The following STARD3NL variants were observed in gnomAD, a reference collection of about 807,000 sequenced individuals.
STARD3NL encodes the protein STARD3 N-terminal like, also known as STARD3 N-terminal-like protein.
STARD3NL carries 17 observed loss-of-function variants against 30.9 expected under a neutral mutation model. The ratio of observed to expected loss-of-function variants is 0.55; its 90% CI spans 0.38 to 0.82. STARD3NL has a LOEUF of 0.82. STARD3NL is among the 40% of genes least tolerant of loss of function. The pLI is 0.00. For missense variants in STARD3NL, 234 were observed against 277.6 expected (o/e 0.84, Z 1.12); for synonymous variants, 112 against 100.5 (o/e 1.11, Z -0.69).
At chr7:38,227,670 C>CT (rs370075055) in intron 7 of STARD3NL, among the ~76,000 whole-genome samples, 8 of 151,180 alleles carry the variant, frequency 5.3e-5, no homozygotes, top group Admixed American at 1.3e-4. Flanking sequence ...GCCTCCTCTG[C>CT]TTTTTTTTTA....
At chr7:38,191,656 G>A (rs1562599478) in intron 1 of STARD3NL, among the ~76,000 whole-genome samples, 1 of 152,016 alleles carries the variant, frequency 6.6e-6, no homozygotes, top group East Asian at 1.9e-4. Context: ...TTTCACCATT[G>A]GATTACTTTG....
intron 1 of STARD3NL, among the ~76,000 whole-genome samples, chr7:38,186,171 A>G (rs1193425486): frequency 6.6e-6 from 1 of 152,216 alleles, no homozygotes; most frequent in Non-Finnish European, 1.5e-5. Flanking sequence ...TCATAGGAAT[A>G]TTTATATGTA....
intron 7 of STARD3NL, among the ~76,000 whole-genome samples, chr7:38,228,439 A>G (rs1030145860): frequency 1.3e-5 from 2 of 152,216 alleles, no homozygotes; most frequent in African/African-American, 2.4e-5. Flanking sequence ...CCTAGATTCA[A>G]TTATTTGTAC....
chr7:38,225,036 A>G (rs1786676178), intron 7 of STARD3NL, among the ~76,000 whole-genome samples: 1 of 152,152 alleles, frequency 6.6e-6, no homozygotes, highest in Non-Finnish European at 1.5e-5. Flanking sequence ...CTTTTTGATC[A>G]TATCCCGGCT....
intron 5 of STARD3NL, 32 bp downstream of exon 5, chr7:38,217,110 CA>C (rs1339801263): frequency 6.2e-7 from 1 of 1,613,766 alleles, no homozygotes; most frequent in Non-Finnish European, 8.5e-7. Flanking sequence ...ATACAGTTAC[CA>C]TCTTCAGTGA....
chr7:38,204,640 C>G (rs1785357321), intron 1 of STARD3NL, among the ~76,000 whole-genome samples: 2 of 152,084 alleles, frequency 1.3e-5, no homozygotes, highest in Non-Finnish European at 2.9e-5. Flanking sequence ...AAGATCAGAG[C>G]AGAACTGGAG....
intron 1 of STARD3NL, among the ~76,000 whole-genome samples, chr7:38,204,077 G>A (rs572688889): frequency 1.3e-5 from 2 of 152,174 alleles, no homozygotes; most frequent in African/African-American, 4.8e-5. Flanking sequence ...ACAGATCAAC[G>A]AGACAGAAAG....
At chr7:38,226,152 G>GTTTTTTTTTTTTT (rs11286474) in intron 7 of STARD3NL, among the ~76,000 whole-genome samples, 3 of 102,472 alleles carry the variant, frequency 2.9e-5, no homozygotes, top group Non-Finnish European at 5.7e-5. Context: ...TGCCTATCTT[G>GTTTTTTTTTTTTT]TTTTTTTTTT....
intron 7 of STARD3NL, among the ~76,000 whole-genome samples, chr7:38,223,297 T>C (rs1786572283): frequency 6.6e-6 from 1 of 152,186 alleles, no homozygotes; most frequent in Non-Finnish European, 1.5e-5. Flanking sequence ...CAGGCTTGCT[T>C]GTTGATCAGA....
intron 2 of STARD3NL, among the ~76,000 whole-genome samples, chr7:38,211,557 T>C (rs1276273544): frequency 6.6e-6 from 1 of 152,126 alleles, no homozygotes; most frequent in African/African-American, 2.4e-5. Context: ...ATTGAATAGG[T>C]AGGCTGGTGC....
intron 1 of STARD3NL, among the ~76,000 whole-genome samples, chr7:38,193,028 G>A (rs114004572): frequency 1.6e-3 from 248 of 152,048 alleles, no homozygotes; most frequent in African/African-American, 5.8e-3. Flanking sequence ...GTCTCTTTCA[G>A]AATAAGAGAC....
At chr7:38,187,646 T>C (rs1401396163) in intron 1 of STARD3NL, among the ~76,000 whole-genome samples, 2 of 152,000 alleles carry the variant, frequency 1.3e-5, no homozygotes, top group African/African-American at 4.8e-5. Flanking sequence ...TTTTTTTTCA[T>C]TTTTATGGCA....
At chr7:38,207,930 C>T (rs1785585891) in intron 2 of STARD3NL, among the ~76,000 whole-genome samples, 2 of 152,140 alleles carry the variant, frequency 1.3e-5, no homozygotes, top group Admixed American at 1.3e-4. Context: ...GTTTAAAACT[C>T]ATGTTGTCTG....
At chr7:38,219,728 C>T (rs1395745972) in intron 7 of STARD3NL, 68 bp downstream of exon 7, 10 of 1,325,682 alleles carry the variant, frequency 7.5e-6, no homozygotes, top group Non-Finnish European at 1.1e-5. Flanking sequence ...CTTCCTTTCC[C>T]TACCCCCTCT....
At chr7:38,182,705 G>C (rs1784300062) in intron 1 of STARD3NL, among the ~76,000 whole-genome samples, 1 of 152,216 alleles carries the variant, frequency 6.6e-6, no homozygotes, top group African/African-American at 2.4e-5. Context: ...CTTTAACTCT[G>C]ACCAGGAATC....
At chr7:38,195,580 G>A (rs998879674) in intron 1 of STARD3NL, among the ~76,000 whole-genome samples, 4 of 152,318 alleles carry the variant, frequency 2.6e-5, no homozygotes, top group African/African-American at 9.6e-5. Context: ...GTCAAGTTCA[G>A]TGATTCTAGC....
chr7:38,181,313 G>A (rs775895081), intron 1 of STARD3NL, among the ~76,000 whole-genome samples: 1 of 152,212 alleles, frequency 6.6e-6, no homozygotes, highest in Non-Finnish European at 1.5e-5. Flanking sequence ...CTCTTAGCAA[G>A]TAGAGTTTCT....
intron 7 of STARD3NL, among the ~76,000 whole-genome samples, chr7:38,220,454 G>A (rs4520068): frequency 0.73 from 110,464 of 152,126 alleles, 40,420 homozygotes; most frequent in African/African-American, 0.81. Flanking sequence ...TAGGATGACT[G>A]TTACAAAAAG....
Position 38,219,586 on chromosome 7 carries a change from C to G in STARD3NL, c.575C>G (p.Ala192Gly). 6.2e-7 allele frequency: 1 copy of G among 1,611,010 alleles called. No homozygotes were observed. The highest frequency in any genetic ancestry group is 8.5e-7 in the Non-Finnish European group (1 of 1,177,624). The change falls in exon 7 of 9, where the codon GCT (alanine) becomes GGT (glycine). Residue 192 changes from alanine to glycine, a missense_variant. Ala to Gly is a moderately conservative substitution (Grantham distance 60). Coordinates refer to ENST00000009041, the MANE Select transcript of STARD3NL (RefSeq NM_032016.4). Reference sequence around the variant, plus strand: ...CCAGGACTCCTGATAGTTCAGGATGCTTCAGAGAGGGCAGCACTTATACCT... The same window carrying G: ...CCAGGACTCCTGATAGTTCAGGATGGTTCAGAGAGGGCAGCACTTATACCT... ...EENRLLIVQD[A>G]SERAALIPGG...
Sources: gnomAD v4.1 joint callset for allele counts (sites outside exome capture counted in the v4.1 genomes callset) on GRCh38, gnomAD v4.1.1 for gene constraint, MANE v1.5 for transcripts, NCBI Gene and HGNC (gene_info 2026-07-23, HGNC 2026-07-21) for gene names.